The following NRXN1 variants were observed in gnomAD, a reference collection of about 807,000 sequenced individuals.
NRXN1 encodes the protein neurexin-1.
Under a neutral mutation model 150.9 loss-of-function variants are expected in NRXN1, and 39 were observed. The observed-to-expected ratio is 0.26, with a 90% confidence interval of 0.20 to 0.34. The LOEUF (loss-of-function observed/expected upper bound fraction) is 0.34, where lower values mean the gene tolerates loss of function less well. Ranked by LOEUF, NRXN1 falls within the 10% of genes least tolerant of loss-of-function variation. The pLI is 1.00. For missense variants in NRXN1, 1,815 were observed against 1,949.9 expected (o/e 0.93, Z 1.30); for synonymous variants, 924 against 757.0 (o/e 1.22, Z -3.62).
intron 17 of NRXN1, among the ~76,000 whole-genome samples, chr2:50,248,242 T>C (rs776292136): frequency 2.6e-5 from 4 of 152,182 alleles, no homozygotes; most frequent in Admixed American, 2.6e-4. Flanking sequence ...TTCAAACTTC[T>C]GGCCTCAATA....
intron 2 of NRXN1, among the ~76,000 whole-genome samples, chr2:50,952,820 G>A (rs1691619667): frequency 6.6e-6 from 1 of 152,096 alleles, no homozygotes; most frequent in South Asian, 2.1e-4. Context: ...ATTCCACTGA[G>A]CTTCAACCCT....
chr2:50,605,950 A>G (rs1395914037), intron 8 of NRXN1, among the ~76,000 whole-genome samples: 1 of 152,102 alleles, frequency 6.6e-6, no homozygotes, highest in Non-Finnish European at 1.5e-5. Context: ...CATACAAGGG[A>G]AAATTATTCC....
intron 5 of NRXN1, among the ~76,000 whole-genome samples, chr2:50,878,918 G>A (rs1304175004): frequency 6.6e-6 from 1 of 151,938 alleles, no homozygotes. Context: ...TTAACAAAAG[G>A]TGGGAGTAGT....
chr2:50,662,242 G>A (rs555019958), intron 5 of NRXN1, among the ~76,000 whole-genome samples: 3 of 151,956 alleles, frequency 2.0e-5, no homozygotes, highest in Non-Finnish European at 2.9e-5. Context: ...CTATATTCAG[G>A]GCTAGATCTT....
At position 50,912,205 on chromosome 2, in the gene NRXN1, G is replaced by C. The variant is rs562447976; in HGVS notation, c.832+9664C>G. 3.3e-5 allele frequency: 5 copies of C among 151,810 alleles called. No individual in the cohort carries two copies. The South Asian group carries it at 8.3e-4, about 25-fold the overall frequency. 9.4% of individuals were successfully genotyped at this position (151,810 alleles called of 1,614,324 possible). On this transcript the variant is annotated intron_variant, in intron 5 of 22. Transcript: ENST00000401669. Reference sequence around the variant, plus strand: ...AAGTGACTGGGCATTAGATCTTCTGGGGGAAGGAGTGATCTCTTTTAAAGT... The same window carrying C: ...AAGTGACTGGGCATTAGATCTTCTGCGGGAAGGAGTGATCTCTTTTAAAGT...
At chr2:50,198,996 A>G (rs917333361) in intron 18 of NRXN1, 4 of 152,230 alleles carry the variant, frequency 2.6e-5, no homozygotes, top group African/African-American at 9.7e-5. Flanking sequence ...CAGATGCATT[A>G]TCAGAACAAA....
rs373500877 is a variant in NRXN1, at chr2:51,002,144, C to T, written c.772+25358G>A. On this transcript the variant is annotated intron_variant, in intron 2 of 22. Transcript: ENST00000401669. Reference sequence around the variant, plus strand: ...GGTCTTCACTTCCTTACAAAGGCCTCCATGTCAAGTAAAACGTATATGAAA... The same window carrying T: ...GGTCTTCACTTCCTTACAAAGGCCTTCATGTCAAGTAAAACGTATATGAAA... Among the ~76,000 whole-genome samples the T allele has an allele frequency of 5.0e-4, 76 of 152,096 alleles. 2 individuals are homozygous for T. The South Asian group carries it at 0.012, about 25-fold the overall frequency.
chr2:50,773,984 C>T (rs979851822), intron 5 of NRXN1, among the ~76,000 whole-genome samples: 2 of 152,074 alleles, frequency 1.3e-5, no homozygotes, highest in African/African-American at 2.4e-5. Context: ...AGTAAAGCAA[C>T]CCCCACACGA....
At chr2:49,969,605 C>T (rs1156618186) in intron 21 of NRXN1, 1 of 151,496 alleles carries the variant, frequency 6.6e-6, no homozygotes, top group Non-Finnish European at 1.5e-5. Flanking sequence ...GTATTTTTTT[C>T]ATTATAGGTA....
At chr2:50,207,910 C>G (rs552910764) in intron 18 of NRXN1, among the ~76,000 whole-genome samples, 4 of 152,058 alleles carry the variant, frequency 2.6e-5, no homozygotes, top group African/African-American at 9.7e-5. Flanking sequence ...AGGAGGGACA[C>G]AAGCCTAGGT....
intron 4 of NRXN1, 37 bp from the exon 5 acceptor site, chr2:50,921,917 T>C: frequency 7.5e-7 from 1 of 1,341,302 alleles, no homozygotes; most frequent in Non-Finnish European, 1.0e-6. Flanking sequence ...GAAGAAAGGG[T>C]TTCCAGACAA....
intron 2 of NRXN1, among the ~76,000 whole-genome samples, chr2:50,930,324 A>T (rs1363390658): frequency 6.6e-6 from 1 of 152,100 alleles, no homozygotes; most frequent in Admixed American, 6.6e-5. Context: ...TGTTACAAAG[A>T]CATTTGTGGT....
At chr2:50,110,725 G>T (rs893434468) in intron 18 of NRXN1, among the ~76,000 whole-genome samples, 4 of 151,980 alleles carry the variant, frequency 2.6e-5, no homozygotes, top group African/African-American at 9.7e-5. Context: ...TCCATTATTG[G>T]ATAATAGTGG....
At chr2:50,735,973 C>T (rs1698688160) in intron 5 of NRXN1, among the ~76,000 whole-genome samples, 1 of 152,138 alleles carries the variant, frequency 6.6e-6, no homozygotes, top group Non-Finnish European at 1.5e-5. Flanking sequence ...TCTGTGAAAG[C>T]AAATCTGGTC....
intron 17 of NRXN1, among the ~76,000 whole-genome samples, chr2:50,398,546 T>C (rs1231391742): frequency 6.6e-6 from 1 of 152,096 alleles, no homozygotes; most frequent in Non-Finnish European, 1.5e-5. Flanking sequence ...CTCAAACAGA[T>C]GCATCTTTGT....
intron 5 of NRXN1, among the ~76,000 whole-genome samples, chr2:50,846,243 T>C (rs971064272): frequency 6.6e-6 from 1 of 152,178 alleles, no homozygotes; most frequent in Admixed American, 6.5e-5. Context: ...AAAACATACA[T>C]GGTCTTACTG....
At chr2:50,590,714 A>G (rs1267590157) in intron 8 of NRXN1, among the ~76,000 whole-genome samples, 2 of 152,190 alleles carry the variant, frequency 1.3e-5, no homozygotes, top group African/African-American at 4.8e-5. Context: ...GTGAGGATAC[A>G]GCAAGAAGAT....
chr2:50,070,080 G>C (rs767749834), intron 19 of NRXN1, among the ~76,000 whole-genome samples: 1 of 151,918 alleles, frequency 6.6e-6, no homozygotes, highest in Non-Finnish European at 1.5e-5. Flanking sequence ...TCGATCTCCT[G>C]ACCTTGCGAT....
At position 50,069,731 on chromosome 2, in the gene NRXN1, T is replaced by C. The variant is rs530097955; in HGVS notation, c.3719-14687A>G. ...GCTATACAGACACACCCACCTCTTATCACTGAGACATTTCTCTGCATTCTT... is the reference window on the plus strand; with the variant it reads ...GCTATACAGACACACCCACCTCTTACCACTGAGACATTTCTCTGCATTCTT... On this transcript the variant is annotated intron_variant, in intron 19 of 22. Coordinates refer to ENST00000401669, the MANE Select transcript of NRXN1 (RefSeq NM_001330078.2). 2.0e-5 allele frequency among the ~76,000 whole-genome samples: 3 copies of C among 152,140 alleles called. No individual in the cohort carries two copies. In the South Asian group the frequency reaches 6.2e-4, roughly 31 times the overall value.
Sources: gnomAD v4.1 joint callset for allele counts (sites outside exome capture counted in the v4.1 genomes callset) on GRCh38, gnomAD v4.1.1 for gene constraint, MANE v1.5 for transcripts, NCBI Gene and HGNC (gene_info 2026-07-23, HGNC 2026-07-21) for gene names.